RORA: variants seen among roughly 807,000 people sequenced by gnomAD.
The protein encoded by RORA is RAR related orphan receptor A.
Under a neutral mutation model 69.5 loss-of-function variants are expected in RORA, and 7 were observed. The observed-to-expected ratio is 0.10, with a 90% CI of 0.06 to 0.19. The LOEUF is 0.19. RORA is among the 10% of genes least tolerant of loss of function. RORA has a pLI of 1.00. For synonymous variants in RORA, 261 were observed against 240.8 expected (o/e 1.08, Z -0.78); for missense variants, 457 against 663.0 (o/e 0.69, Z 3.41).
At chr15:60,840,325 G>C (rs1347027160) in intron 1 of RORA, among the ~76,000 whole-genome samples, 1 of 152,244 alleles carries the variant, frequency 6.6e-6, no homozygotes, top group African/African-American at 2.4e-5. Flanking sequence ...GCCCCAGAGG[G>C]CTCTGACACA....
At chr15:61,129,548 T>C (rs940652039) in intron 1 of RORA, among the ~76,000 whole-genome samples, 1 of 152,196 alleles carries the variant, frequency 6.6e-6, no homozygotes, top group Non-Finnish European at 1.5e-5. Flanking sequence ...ACACTGTGAA[T>C]GTACTTAAAG....
chr15:60,965,746 GTTTC>G (rs1566927450), intron 1 of RORA, among the ~76,000 whole-genome samples: 1 of 152,056 alleles, frequency 6.6e-6, no homozygotes, highest in Non-Finnish European at 1.5e-5. Context: ...CCAAGCACTG[GTTTC>G]TTTAATTTTC....
chr15:61,227,199 C>T (rs2080153328), intron 1 of RORA, among the ~76,000 whole-genome samples: 1 of 136,844 alleles, frequency 7.3e-6, no homozygotes, highest in Non-Finnish European at 1.6e-5. Context: ...AATACTATGT[C>T]CCCCCCATTC....
rs1342381051 is a variant in RORA at position 60,597,537 on chromosome 15, AC to A, written c.197-65687del. Among the ~76,000 whole-genome samples, 13 of 92,514 alleles carry A rather than the reference AC, an allele frequency of 1.4e-4. 1 individual carries two copies. The highest frequency in any genetic ancestry group is 1.2e-3 in the East Asian group (3 of 2,456). The allele number at this position is 92,514 out of a possible 152,430, so 60.7% of individuals were successfully genotyped here. A position where few individuals can be genotyped will look rare whatever the true frequency, so the allele number is the denominator to read the frequency against. ...TACACACACACACACACACACACAC[AC>A]ACACACACACAACATATATATATAT... On this transcript the variant is annotated intron_variant, in intron 2 of 10. Transcript: ENST00000335670.
At chr15:60,666,103 G>A (rs2433023) in intron 2 of RORA, among the ~76,000 whole-genome samples, 87,253 of 151,482 alleles carry the variant, frequency 0.58, 26,398 homozygotes, top group East Asian at 0.73. Context: ...TAAAATCTAC[G>A]GGTATTAATT....
At chr15:61,140,598 G>A (rs1440148748) in intron 1 of RORA, among the ~76,000 whole-genome samples, 3 of 151,346 alleles carry the variant, frequency 2.0e-5, no homozygotes, top group Admixed American at 1.3e-4. Flanking sequence ...TGATCCCTAT[G>A]GGAGCCACTG....
intron 1 of RORA, among the ~76,000 whole-genome samples, chr15:60,827,976 T>C (rs1249508516): frequency 1.3e-5 from 2 of 152,198 alleles, no homozygotes; most frequent in African/African-American, 2.4e-5. Flanking sequence ...CAATTAGTAC[T>C]GGATGAAGTA....
At chr15:60,714,954 T>C (rs1254144409) in intron 1 of RORA, among the ~76,000 whole-genome samples, 1 of 151,946 alleles carries the variant, frequency 6.6e-6, no homozygotes, top group Non-Finnish European at 1.5e-5. Context: ...CAAAATCAAG[T>C]GAGGGGTAAA....
At chr15:60,910,253 G>A in intron 1 of RORA, among the ~76,000 whole-genome samples, 1 of 152,224 alleles carries the variant, frequency 6.6e-6, no homozygotes, top group East Asian at 1.9e-4. Context: ...AAATGTCAAT[G>A]TTGACATCCC....
chr15:60,980,172 T>C (rs1048743721), intron 1 of RORA, among the ~76,000 whole-genome samples: 4 of 152,202 alleles, frequency 2.6e-5, no homozygotes, highest in Non-Finnish European at 4.4e-5. Flanking sequence ...ATTAATATGG[T>C]ATATTGCATT....
At chr15:60,542,661 ACACACATGGCACACGGGCACACCTCC>A (rs1567073551) in intron 2 of RORA, among the ~76,000 whole-genome samples, 4 of 123,118 alleles carry the variant, frequency 3.2e-5, no homozygotes, top group African/African-American at 8.0e-5. Flanking sequence ...GGCACACCTC[ACACACATGGCACACGGGCACACCTCC>A]CACACACGGC....
chr15:60,862,145 C>T (rs1228538662), intron 1 of RORA, among the ~76,000 whole-genome samples: 1 of 152,186 alleles, frequency 6.6e-6, no homozygotes, highest in Non-Finnish European at 1.5e-5. Flanking sequence ...CAAATCTTTA[C>T]CCACCTTTTT....
chr15:60,909,142 G>A (rs1216145852), intron 1 of RORA, among the ~76,000 whole-genome samples: 1 of 152,150 alleles, frequency 6.6e-6, no homozygotes, highest in East Asian at 1.9e-4. Context: ...TTCTTGCTGT[G>A]GTCCCAGCGG....
intron 1 of RORA, among the ~76,000 whole-genome samples, chr15:60,883,903 A>G (rs907728277): frequency 6.6e-6 from 1 of 152,208 alleles, no homozygotes; most frequent in Non-Finnish European, 1.5e-5. Flanking sequence ...TGTGGGTGTT[A>G]TATTTAGCCA....
chr15:60,990,174 C>A (rs1716772261), intron 1 of RORA, among the ~76,000 whole-genome samples: 3 of 152,116 alleles, frequency 2.0e-5, no homozygotes, highest in South Asian at 4.1e-4. Context: ...TTTAAAAGCT[C>A]CAATTATGCC....
At chr15:60,690,656 T>C (rs61561330) in intron 1 of RORA, among the ~76,000 whole-genome samples, 1,698 of 152,312 alleles carry the variant, frequency 0.011, 37 homozygotes, top group African/African-American at 0.038. Flanking sequence ...CCCCAAATGT[T>C]AGATCTGGAA....
At chr15:60,857,129 C>T (rs893797360) in intron 1 of RORA, among the ~76,000 whole-genome samples, 15 of 152,202 alleles carry the variant, frequency 9.9e-5, no homozygotes, top group African/African-American at 3.4e-4. Flanking sequence ...CTTGCAGGCT[C>T]GTGGGCCAGC....
intron 1 of RORA, among the ~76,000 whole-genome samples, chr15:60,694,449 C>T (rs922307378): frequency 1.3e-5 from 2 of 152,292 alleles, no homozygotes; most frequent in East Asian, 1.9e-4. Context: ...CCAATAGGCT[C>T]TCCTAGCTTT....
At chr15:60,592,587 G>A (rs1440288530) in intron 2 of RORA, 2 of 1,218,580 alleles carry the variant, frequency 1.6e-6, no homozygotes, top group Non-Finnish European at 2.0e-6. Context: ...CTGACATCAC[G>A]GCCGCCGCTC....
Sources: gnomAD v4.1 joint callset for allele counts (sites outside exome capture counted in the v4.1 genomes callset) on GRCh38, gnomAD v4.1.1 for gene constraint, MANE v1.5 for transcripts, NCBI Gene and HGNC (gene_info 2026-07-23, HGNC 2026-07-21) for gene names.